The following RNF130 variants were observed in gnomAD, a reference collection of about 807,000 sequenced individuals.
The protein encoded by RNF130 is E3 ubiquitin-protein ligase RNF130.
A neutral mutation model predicts 44.6 loss-of-function variants in RNF130; 21 were observed. The observed-to-expected ratio is 0.47, with a 90% confidence interval of 0.33 to 0.68. The LOEUF (loss-of-function observed/expected upper bound fraction) is 0.68, where lower values mean the gene tolerates loss of function less well. Among genes scored for constraint, RNF130 ranks in the 30% least tolerant of loss-of-function variants. RNF130 has a pLI of 0.02. For synonymous variants in RNF130, 214 were observed against 210.4 expected (o/e 1.02, Z -0.15); for missense variants, 479 against 560.6 (o/e 0.85, Z 1.47).
intron 2 of RNF130, chr5:180,015,536 A>AG (rs1561693347): frequency 1.7e-5 from 3 of 178,080 alleles, no homozygotes; most frequent in Non-Finnish European, 2.4e-5. Flanking sequence ...GGAAAGGAGT[A>AG]GGAAAGGAGT....
intron 4 of RNF130, among the ~76,000 whole-genome samples, chr5:179,978,617 A>G (rs1487658407): frequency 6.6e-6 from 1 of 152,120 alleles, no homozygotes; most frequent in African/African-American, 2.4e-5. Flanking sequence ...TGCATTACTT[A>G]TTGGTCTGAA....
At chr5:180,044,440 G>A (rs1764507284) in intron 1 of RNF130, among the ~76,000 whole-genome samples, 1 of 151,952 alleles carries the variant, frequency 6.6e-6, no homozygotes, top group African/African-American at 2.4e-5. Flanking sequence ...AAACAATTCT[G>A]GGCTCCTCAC....
chr5:180,062,862 A>C (rs535294879), intron 1 of RNF130, among the ~76,000 whole-genome samples: 8 of 152,204 alleles, frequency 5.3e-5, no homozygotes, highest in Non-Finnish European at 8.8e-5. Flanking sequence ...TGTCCCGTTA[A>C]CTGGCCATTT....
chr5:180,064,341 TA>T (rs1322375592), intron 1 of RNF130, among the ~76,000 whole-genome samples: 1 of 152,176 alleles, frequency 6.6e-6, no homozygotes, highest in African/African-American at 2.4e-5. Flanking sequence ...GTGGGAATCT[TA>T]ACTGCATGCA....
At chr5:179,968,040 A>C (rs1762489057) in intron 6 of RNF130, among the ~76,000 whole-genome samples, 1 of 152,244 alleles carries the variant, frequency 6.6e-6, no homozygotes, top group Non-Finnish European at 1.5e-5. Context: ...TCACGCCTGT[A>C]ATCCCAGCAC....
chr5:179,942,263 G>A (rs1038827468), intron 7 of RNF130, among the ~76,000 whole-genome samples: 7 of 151,610 alleles, frequency 4.6e-5, no homozygotes, highest in Admixed American at 1.3e-4. Flanking sequence ...GTAGTTAGAC[G>A]GCTTTAATGA....
chr5:180,050,181 A>G (rs778980200), intron 1 of RNF130, among the ~76,000 whole-genome samples: 29 of 152,232 alleles, frequency 1.9e-4, no homozygotes, highest in Non-Finnish European at 3.7e-4. Context: ...GGGATTTATT[A>G]TAAGGAATTG....
chr5:179,921,871 A>C (rs1761635458), intron 7 of RNF130, among the ~76,000 whole-genome samples: 4 of 149,400 alleles, frequency 2.7e-5, no homozygotes, highest in Admixed American at 2.6e-4. Flanking sequence ...AAATACAAAA[A>C]ATTAGCCAGG....
chr5:180,050,111 C>T (rs1390156608), intron 1 of RNF130, among the ~76,000 whole-genome samples: 1 of 152,174 alleles, frequency 6.6e-6, no homozygotes, highest in Non-Finnish European at 1.5e-5. Context: ...GTAGGCAGGG[C>T]CACTCTCCCT....
chr5:179,979,887 C>T (rs577463385), intron 4 of RNF130, among the ~76,000 whole-genome samples: 3 of 152,136 alleles, frequency 2.0e-5, no homozygotes, highest in Non-Finnish European at 4.4e-5. Flanking sequence ...GGCTTTTTAA[C>T]GCACAAATGG....
intron 1 of RNF130, among the ~76,000 whole-genome samples, chr5:180,051,351 G>A (rs962186357): frequency 2.0e-5 from 3 of 151,842 alleles, no homozygotes; most frequent in African/African-American, 7.3e-5. Flanking sequence ...CCGGGTTGAC[G>A]CCATTCTCCT....
At chr5:179,920,221 C>A in exon 8 of RNF130, 1 of 627,596 alleles carries the variant, frequency 1.6e-6, no homozygotes. Flanking sequence ...GCCATTCTTC[C>A]AAAACGGATG....
At position 179,955,577 on chromosome 5, in the gene RNF130, G is replaced by A. The variant is rs1403293345; in HGVS notation, c.*77C>T. The A allele has an allele frequency of 2.5e-6, 3 of 1,213,720 alleles. No homozygotes were observed. The African/African-American group carries it at 4.6e-5, about 19-fold the overall frequency. 75.2% of individuals were successfully genotyped at this position (1,213,720 alleles called of 1,614,324 possible). ...CTAAAAATAAATGCTTGTGTGGCAT[G>A]ATTGGTAAATGATGCACAAAAATAG... On this transcript the variant is annotated 3_prime_UTR_variant, in exon 9 of 9. Coordinates refer to ENST00000521389, the MANE Select transcript of RNF130 (RefSeq NM_018434.6).
chr5:179,955,345 G>A lies in RNF130; in HGVS notation c.*309C>T, dbSNP rs942764158. On this transcript the variant is annotated 3_prime_UTR_variant, in exon 9 of 9. Transcript: ENST00000521389. ...CAATGTGAAGACACCAATAGTAAGT[G>A]TCAATCCCTGTTCCTCTCACGGGAG... 3.0e-5 allele frequency: 9 copies of A among 301,216 alleles called. No individual in the cohort carries two copies. Among genetic ancestry groups the A allele is most frequent in the Non-Finnish European group, 1.2e-5 (2 of 163,980 alleles). 18.7% of individuals were successfully genotyped at this position (301,216 alleles called of 1,614,324 possible). A position where few individuals can be genotyped will look rare whatever the true frequency, so the allele number is the denominator to read the frequency against.
At chr5:180,038,409 T>G (rs1764301616) in intron 2 of RNF130, among the ~76,000 whole-genome samples, 1 of 100,598 alleles carries the variant, frequency 9.9e-6, no homozygotes, top group South Asian at 5.1e-4. Context: ...AAAGCCTGTT[T>G]TGTTTTTTTT....
chr5:179,983,101 G>A (rs1364412400), intron 3 of RNF130, among the ~76,000 whole-genome samples: 1 of 152,134 alleles, frequency 6.6e-6, no homozygotes, highest in Non-Finnish European at 1.5e-5. Context: ...ATATATTCCA[G>A]ATAAAAATCC....
At chr5:179,999,628 A>G (rs1763288502) in intron 3 of RNF130, among the ~76,000 whole-genome samples, 2 of 152,108 alleles carry the variant, frequency 1.3e-5, no homozygotes, top group Admixed American at 6.5e-5. Context: ...GAGGCAGGAG[A>G]GTTGTTTGAA....
At chr5:179,971,258 T>G (rs920615942) in intron 5 of RNF130, among the ~76,000 whole-genome samples, 2 of 152,160 alleles carry the variant, frequency 1.3e-5, no homozygotes, top group African/African-American at 4.8e-5. Flanking sequence ...CCCAGCAGCC[T>G]TCTGAAGCTC....
intron 1 of RNF130, among the ~76,000 whole-genome samples, chr5:180,052,023 T>C (rs1292218561): frequency 6.6e-6 from 1 of 152,162 alleles, no homozygotes; most frequent in Non-Finnish European, 1.5e-5. Flanking sequence ...CAGTACTGAG[T>C]ACAACTCTTC....
Sources: allele counts gnomAD v4.1 joint callset (sites outside exome capture counted in the v4.1 genomes callset), GRCh38; gene constraint gnomAD v4.1.1; transcripts MANE v1.5; gene names NCBI Gene and HGNC (gene_info 2026-07-23, HGNC 2026-07-21).